The following CELSR1 variants were observed in gnomAD, a reference collection of about 807,000 sequenced individuals.
The protein encoded by CELSR1 is cadherin EGF LAG seven-pass G-type receptor 1.
A neutral mutation model predicts 249.1 loss-of-function variants in CELSR1; 110 were observed. That is an observed-to-expected ratio of 0.44 (90% CI 0.38 to 0.52). CELSR1 has a LOEUF of 0.52. Ranked by LOEUF, CELSR1 falls within the 20% of genes least tolerant of loss-of-function variation. The probability of loss-of-function intolerance (pLI) is 0.00; values close to 1 mark genes in which losing one functional copy is unlikely to be tolerated. For synonymous variants in CELSR1, 2,113 were observed against 1,900.0 expected (o/e 1.11, Z -2.92); for missense variants, 4,109 against 4,296.4 (o/e 0.96, Z 1.22).
rs540281630 is a variant in CELSR1, at chr22:46,426,206, G to A, written c.4611+7187C>T. Among the ~76,000 whole-genome samples the A allele has an allele frequency of 1.2e-4, 18 of 151,670 alleles. No homozygotes were observed. The South Asian group carries it at 2.7e-3, about 23-fold the overall frequency. ...TTGGAAGGTTGTTTAGATAATGGAAGGTTGAGAAAAATCACTAACTATACT... is the reference window on the plus strand; with the variant it reads ...TTGGAAGGTTGTTTAGATAATGGAAAGTTGAGAAAAATCACTAACTATACT... On this transcript the variant is annotated intron_variant, in intron 5 of 34. Coordinates refer to ENST00000674500, the MANE Select transcript of CELSR1 (RefSeq NM_001378328.1).
rs536106432 is a variant in CELSR1, at chr22:46,437,554, C to T, written c.4407-1265G>A. Among the ~76,000 whole-genome samples, 1 of 152,226 alleles carries T rather than the reference C, an allele frequency of 6.6e-6. No homozygotes were observed. Among genetic ancestry groups the T allele is most frequent in the Admixed American group, 6.5e-5 (1 of 15,284 alleles). The stretch of plus-strand genomic sequence containing the variant: ...GTGGATCACCTGAGGTCAGGTTGAC[C>T]AGCCTGGCCAACATGGTGAAACCCC... On this transcript the variant is annotated intron_variant, in intron 3 of 34. Transcript: ENST00000674500. The surrounding 1 kb of genome is among the most constrained non-coding windows in gnomAD (Gnocchi z 4.9).
Position 46,397,822 on chromosome 22 carries a change from G to T in CELSR1, c.5553C>A (p.Thr1851=). 2 of 1,586,688 alleles carry T rather than the reference G, an allele frequency of 1.3e-6. No homozygotes were observed. Among genetic ancestry groups the T allele is most frequent in the Non-Finnish European group, 1.7e-6 (2 of 1,164,744 alleles). The change falls in exon 12 of 35, where the codon ACC becomes ACA. Residue 1851 remains threonine, a synonymous_variant. Transcript: ENST00000674500. ...MQGVRMGGTP[T]NVATLNMNNA... is the part of the protein sequence containing the mutation. Reference sequence around the variant, plus strand: ...TGTTCATGTTCAGGGTGGCGACGTTGGTGGGCGTCCCCCCCATCCTCACTC... The same window carrying T: ...TGTTCATGTTCAGGGTGGCGACGTTTGTGGGCGTCCCCCCCATCCTCACTC...
At chr22:46,439,065 A>AAAATATTTTGCAT (rs2079703692) in intron 3 of CELSR1, 124 bp downstream of exon 3, 1 of 940,352 alleles carries the variant, frequency 1.1e-6, no homozygotes, top group Non-Finnish European at 1.6e-6. Flanking sequence ...GCCTGGAGCT[A>AAAATATTTTGCAT]CTCAACTATC....
In CELSR1 at chr22:46,401,730, T is replaced by A. The variant is rs1443933038; in HGVS notation, c.5227-1828A>T. 6.6e-6 allele frequency among the ~76,000 whole-genome samples: 1 copy of A among 152,208 alleles called. No homozygotes were observed. The highest frequency in any genetic ancestry group is 1.5e-5 in the Non-Finnish European group (1 of 68,034). On this transcript the variant is annotated intron_variant, in intron 9 of 34. Transcript: ENST00000674500. This position sits in a 1 kb window ranked among gnomAD's most constrained non-coding sequence, Gnocchi z 4.7. Reference sequence around the variant, plus strand: ...CAAGGGTTGTTCCTTGGCTTCTGGTTGGAACCCTGAGGGGTTTACACTAAC... The same window carrying A: ...CAAGGGTTGTTCCTTGGCTTCTGGTAGGAACCCTGAGGGGTTTACACTAAC...
intron 1 of CELSR1, among the ~76,000 whole-genome samples, chr22:46,507,744 G>T (rs1602224131): frequency 6.6e-6 from 1 of 152,118 alleles, no homozygotes; most frequent in South Asian, 2.1e-4. Context: ...CTAGAGTACT[G>T]GGGAGCCTGT....
At position 46,536,017 on chromosome 22, in the gene CELSR1, T is replaced by C. The variant is rs754126626; in HGVS notation, c.1154A>G (p.Asn385Ser). 2 of 1,610,734 alleles carry C rather than the reference T, an allele frequency of 1.2e-6. No homozygotes were observed. The highest frequency in any genetic ancestry group is 1.7e-6 in the Non-Finnish European group (2 of 1,179,910). The change falls in exon 1 of 35, where the codon AAC becomes AGC. Residue 385 changes from asparagine (N) to serine (S), a missense_variant. This residue lies in a region of CELSR1 where 673 missense variants were observed against 636.8 expected (regional missense o/e 1.06). Transcript: ENST00000674500. ...IRASDRDSPI[N>S]ANLRYRVLGG... Reference sequence around the variant, plus strand: ...CAACACGCGGTAACGCAAGTTGGCGTTGATGGGCGAGTCGCGGTCGCTGGC... The same window carrying C: ...CAACACGCGGTAACGCAAGTTGGCGCTGATGGGCGAGTCGCGGTCGCTGGC...
intron 1 of CELSR1, among the ~76,000 whole-genome samples, chr22:46,489,036 C>T (rs1388142851): frequency 6.6e-6 from 1 of 152,102 alleles, no homozygotes; most frequent in African/African-American, 2.4e-5. Context: ...CCCCCAGACA[C>T]ACCCACACCC....
rs763989502 is a variant in CELSR1, at chr22:46,535,232, G to T, written c.1939C>A (p.Arg647Ser). 2 of 1,609,668 alleles carry T rather than the reference G, an allele frequency of 1.2e-6. No homozygotes were observed. Among genetic ancestry groups the T allele is most frequent in the Admixed American group, 3.3e-5 (2 of 60,010 alleles). ...AAGCTGTAGTGCTCCACCTCCTCGC[G>T]GTCCAGCTCGGCACACACTGTGATC... ...GWITVCAELD[R>S]EEVEHYSFGV... is the part of the protein sequence containing the mutation. Residue 647 changes from arginine to serine, a missense_variant, in exon 1 of 35, where the codon CGC becomes AGC. By Grantham distance (110) the Arg-to-Ser change is moderately radical. This residue lies in a region of CELSR1 where 886 missense variants were observed against 896.5 expected (regional missense o/e 0.99). Coordinates refer to ENST00000674500, the MANE Select transcript of CELSR1 (RefSeq NM_001378328.1).
At chr22:46,367,573 G>A (rs1356258973) in intron 28 of CELSR1, among the ~76,000 whole-genome samples, 156 bp downstream of exon 28, 1 of 152,222 alleles carries the variant, frequency 6.6e-6, no homozygotes, top group Non-Finnish European at 1.5e-5. Context: ...CGTGCCGGCT[G>A]CACAAGGGAC....
rs1459548867 is a variant in CELSR1 at position 46,363,896 on chromosome 22, T to C, written c.9035+100A>G. The stretch of plus-strand genomic sequence containing the variant: ...CTTCCTCTGCACTCAGGGCTCCAGG[T>C]GAGGTGGGTGTCAGGTCCCTGACCA... On this transcript the variant is annotated intron_variant, in intron 34 of 34. Transcript: ENST00000674500. This position sits in a 1 kb window ranked among gnomAD's most constrained non-coding sequence, Gnocchi z 4.3. 3.6e-6 allele frequency: 5 copies of C among 1,397,874 alleles called. No individual in the cohort carries two copies. Among genetic ancestry groups the C allele is most frequent in the Non-Finnish European group, 4.7e-6 (5 of 1,062,738 alleles). 86.6% of individuals were successfully genotyped at this position (1,397,874 alleles called of 1,614,324 possible).
Position 46,378,631 on chromosome 22 carries a change from G to A in CELSR1, c.7343C>T (p.Thr2448Ile), listed in dbSNP as rs2078944808. The stretch of plus-strand genomic sequence containing the variant: ...ATCCATGAGCACCGCAAAGCTGGCT[G>A]TGTGGCTGCACTGGCAGGCGACATG... ...RTHVACQCSH[T>I]ASFAVLMDIS... The change falls in exon 23 of 35, where the codon ACA (threonine) becomes ATA (isoleucine). Residue 2448 changes from threonine to isoleucine, a missense_variant. Thr to Ile is a moderately conservative substitution (Grantham distance 89). Transcript: ENST00000674500. 3.7e-6 allele frequency: 6 copies of A among 1,602,336 alleles called. No homozygotes were observed. The highest frequency in any genetic ancestry group is 1.3e-5 in the African/African-American group (1 of 74,820).
intron 1 of CELSR1, among the ~76,000 whole-genome samples, chr22:46,466,687 G>A (rs1256560065): frequency 1.3e-5 from 2 of 152,268 alleles, no homozygotes; most frequent in African/African-American, 2.4e-5. Context: ...CAATACAGTC[G>A]ACTCATAGAC....
In CELSR1 at chr22:46,410,865, C is replaced by A. The variant is rs1015714427; in HGVS notation, c.4770-304G>T. Reference sequence around the variant, plus strand: ...GGATGTGAGCGCAGGGAGCACAGGTCAAGGCCAGCAGGGACTATACTTTAC... The same window carrying A: ...GGATGTGAGCGCAGGGAGCACAGGTAAAGGCCAGCAGGGACTATACTTTAC... On this transcript the variant is annotated intron_variant, in intron 6 of 34. Coordinates refer to ENST00000674500, the MANE Select transcript of CELSR1 (RefSeq NM_001378328.1). The surrounding 1 kb of genome is among the most constrained non-coding windows in gnomAD (Gnocchi z 6.8). Among the ~76,000 whole-genome samples, 1 of 151,790 alleles carries A rather than the reference C, an allele frequency of 6.6e-6. No individual in the cohort carries two copies. Among genetic ancestry groups the A allele is most frequent in the Admixed American group, 6.6e-5 (1 of 15,232 alleles).
intron 1 of CELSR1, among the ~76,000 whole-genome samples, chr22:46,521,296 G>A (rs533976380): frequency 4.6e-5 from 7 of 152,246 alleles, no homozygotes; most frequent in African/African-American, 1.7e-4. Context: ...GAGGTCAGGA[G>A]ATCGAGACCA....
Position 46,399,693 on chromosome 22 carries a change from G to A in CELSR1, c.5412+24C>T, listed in dbSNP as rs763073551. ...GGGCCGGAGGAAGGGTCTATCCCCA[G>A]AGGAGGTGCAGGTGCCAGCTCACCT... On this transcript the variant is annotated intron_variant, in intron 10 of 34. Transcript: ENST00000674500. The surrounding 1 kb of genome is among the most constrained non-coding windows in gnomAD (Gnocchi z 5.0). The A allele has an allele frequency of 6.2e-7, 1 of 1,611,816 alleles. No individual in the cohort carries two copies. The highest frequency in any genetic ancestry group is 1.1e-5 in the South Asian group (1 of 90,988).
At chr22:46,366,568 CCCACA>C in intron 29 of CELSR1, 88 bp from the exon 30 acceptor site, 1 of 1,026,300 alleles carries the variant, frequency 9.7e-7, no homozygotes, top group Non-Finnish European at 1.5e-6. Context: ...CGGCAAGCCC[CCCACA>C]CCCACACCCT....
rs570118667 is a variant in CELSR1, at chr22:46,521,578, G to A, written c.3544+12049C>T. ...CACCTGTAATCCCAACACTTTGGGA[G>A]GCTTGAGGCAGGCGGATCATCTGAG... On this transcript the variant is annotated intron_variant, in intron 1 of 34. Transcript: ENST00000674500. Among the ~76,000 whole-genome samples the A allele has an allele frequency of 2.6e-5, 4 of 152,160 alleles. No individual in the cohort carries two copies. In the South Asian group the frequency reaches 8.3e-4, roughly 32 times the overall value.
Position 46,409,016 on chromosome 22 carries a change from G to T in CELSR1, c.5206C>A (p.Pro1736Thr). The change falls in exon 9 of 35, where the codon CCC becomes ACC. Residue 1736 changes from proline to threonine, a missense_variant. Physicochemically the swap from Pro to Thr is conservative, Grantham distance 38. Transcript: ENST00000674500. This position sits in a 1 kb window ranked among gnomAD's most constrained non-coding sequence, Gnocchi z 9.8. ...SVLMEATSGG[P>T]TSFRLQILNN... ...GTCACCTGGAGGCGAAAGCTGGTGGGCCCACCACTGGTGGCCTCCATCAGA... is the reference window on the plus strand; with the variant it reads ...GTCACCTGGAGGCGAAAGCTGGTGGTCCCACCACTGGTGGCCTCCATCAGA... 6.2e-7 allele frequency: 1 copy of T among 1,610,224 alleles called. No individual in the cohort carries two copies. The highest frequency in any genetic ancestry group is 8.5e-7 in the Non-Finnish European group (1 of 1,178,728).
intron 1 of CELSR1, among the ~76,000 whole-genome samples, chr22:46,491,020 G>A (rs1316919715): frequency 6.6e-6 from 1 of 152,094 alleles, no homozygotes; most frequent in Admixed American, 6.6e-5. Flanking sequence ...GGAGACGCCT[G>A]CAAATGGAGG....
Sources: allele counts gnomAD v4.1 joint callset (sites outside exome capture counted in the v4.1 genomes callset), GRCh38; gene constraint gnomAD v4.1.1; regional missense constraint gnomAD v4.1.1; non-coding constraint Gnocchi (gnomAD v3.1); transcripts MANE v1.5; gene names NCBI Gene and HGNC (gene_info 2026-07-23, HGNC 2026-07-21).